Variants in EYA1 observed in about 807,000 individuals in gnomAD.
The protein encoded by EYA1 is protein phosphatase EYA1.
Under a neutral mutation model 82.0 loss-of-function variants are expected in EYA1, and 16 were observed. That is an observed-to-expected ratio of 0.20 (90% confidence interval 0.13 to 0.30). The LOEUF is 0.30. Among genes scored for constraint, EYA1 ranks in the 10% least tolerant of loss-of-function variants. The pLI, the probability that EYA1 is intolerant of heterozygous loss-of-function variation, is 1.00. For missense variants in EYA1, 633 were observed against 730.7 expected, an observed-to-expected ratio of 0.87 and a Z score of 1.54; for synonymous variants, 261 against 264.4, an observed-to-expected ratio of 0.99 and a Z score of 0.12.
At chr8:71,311,805 ACAAT>A (rs1319688089) in intron 7 of EYA1, among the ~76,000 whole-genome samples, 1 of 152,230 alleles carries the variant, frequency 6.6e-6, no homozygotes, top group African/African-American at 2.4e-5. Context: ...AAAGGTGAAA[ACAAT>A]CAGATTTCCC....
intron 4 of EYA1, among the ~76,000 whole-genome samples, chr8:71,331,245 TACACACACACACACAC>T (rs147776263): frequency 6.3e-4 from 86 of 136,530 alleles, no homozygotes; most frequent in Non-Finnish European, 9.4e-4. Flanking sequence ...AATAAATAAA[TACACACACACACACAC>T]ACACACACAC....
chr8:71,266,593 GT>G (rs1264776502), intron 11 of EYA1, among the ~76,000 whole-genome samples: 1 of 152,186 alleles, frequency 6.6e-6, no homozygotes, highest in Non-Finnish European at 1.5e-5. Context: ...GACCGCAAGT[GT>G]TCAGTACAAG....
chr8:71,274,937 A>C lies in EYA1; in HGVS notation c.827-3040T>G, dbSNP rs77323916. Among the ~76,000 whole-genome samples, 54 of 67,512 alleles carry C rather than the reference A, an allele frequency of 8.0e-4. No homozygotes were observed. The East Asian group carries it at 0.026, about 32-fold the overall frequency. The allele number at this position is 67,512 out of a possible 152,430, so 44.3% of individuals were successfully genotyped here. ...GAGAGAGAGAGAATGAGAGCGAGTGAACGAGAGCAAGCGAGTGAACAAGCG... is the reference window on the plus strand; with the variant it reads ...GAGAGAGAGAGAATGAGAGCGAGTGCACGAGAGCAAGCGAGTGAACAAGCG... On this transcript the variant is annotated intron_variant, in intron 9 of 17. Transcript: ENST00000340726.
At chr8:71,236,248 C>T (rs112424761) in intron 12 of EYA1, among the ~76,000 whole-genome samples, 2,762 of 152,128 alleles carry the variant, frequency 0.018, 79 homozygotes, top group African/African-American at 0.064. Flanking sequence ...GTTGGTCAGA[C>T]GGGTTTCAAA....
chr8:71,396,923 A>G (rs1416183536), intron 2 of EYA1, among the ~76,000 whole-genome samples: 1 of 152,176 alleles, frequency 6.6e-6, no homozygotes, highest in African/African-American at 2.4e-5. Context: ...GTGGGAGTCT[A>G]AATCTCTTTA....
intron 2 of EYA1, among the ~76,000 whole-genome samples, chr8:71,393,429 A>C (rs1168202398): frequency 2.0e-5 from 3 of 152,054 alleles, no homozygotes; most frequent in Admixed American, 2.0e-4. Flanking sequence ...ATATCTCCTA[A>C]TGCTATCCCT....
intron 11 of EYA1, among the ~76,000 whole-genome samples, chr8:71,266,927 C>G (rs1214433650): frequency 6.6e-6 from 1 of 152,160 alleles, no homozygotes; most frequent in Non-Finnish European, 1.5e-5. Flanking sequence ...TACTACCCAC[C>G]ACTCCAATCA....
chr8:71,362,302 G>A, upstream of EYA1: 2 of 611,096 alleles, frequency 3.3e-6, no homozygotes, highest in Non-Finnish European at 4.1e-6. Context: ...AAAAAATTAT[G>A]TAAATGAACG....
chr8:71,454,663 A>G (rs1418575164), intron 2 of EYA1, among the ~76,000 whole-genome samples: 1 of 152,242 alleles, frequency 6.6e-6, no homozygotes, highest in Non-Finnish European at 1.5e-5. Context: ...CTGCTCCTGA[A>G]TGACTACTGG....
At chr8:71,546,837 C>G (rs1265909713) in intron 1 of EYA1, among the ~76,000 whole-genome samples, 1 of 152,174 alleles carries the variant, frequency 6.6e-6, no homozygotes, top group Non-Finnish European at 1.5e-5. Flanking sequence ...ATTCACGCTT[C>G]ATGACACATT....
At chr8:71,535,741 T>C (rs1275552137) in intron 2 of EYA1, 4 of 1,519,416 alleles carry the variant, frequency 2.6e-6, no homozygotes, top group Non-Finnish European at 3.5e-6. Flanking sequence ...TCTGTTTACT[T>C]ACAGACTGTC....
intron 3 of EYA1, among the ~76,000 whole-genome samples, chr8:71,346,375 C>T (rs1563507117): frequency 1.4e-5 from 2 of 148,070 alleles, no homozygotes; most frequent in Non-Finnish European, 3.0e-5. Context: ...AGATATACTA[C>T]ATGTATACAC....
chr8:71,489,714 C>T (rs1422179268), intron 2 of EYA1, among the ~76,000 whole-genome samples: 1 of 152,228 alleles, frequency 6.6e-6, no homozygotes, highest in African/African-American at 2.4e-5. Flanking sequence ...CATGAAAGAA[C>T]TCTTGCTCTA....
chr8:71,398,114 T>C (rs1829738024), intron 2 of EYA1, among the ~76,000 whole-genome samples: 2 of 152,196 alleles, frequency 1.3e-5, no homozygotes, highest in South Asian at 4.1e-4. Flanking sequence ...GTCACGTAGT[T>C]CTTGTGCCAT....
chr8:71,394,835 A>G (rs1829493055), intron 2 of EYA1, among the ~76,000 whole-genome samples: 1 of 152,168 alleles, frequency 6.6e-6, no homozygotes, highest in Non-Finnish European at 1.5e-5. Context: ...GAAGAAAGTC[A>G]TTGGTAGCTT....
rs2129028507 is a variant in EYA1 at position 71,319,495 on chromosome 8, C to T, written c.419-1806G>A. Among the ~76,000 whole-genome samples, 2 of 152,078 alleles carry T rather than the reference C, an allele frequency of 1.3e-5. 1 individual carries two copies. The highest frequency in any genetic ancestry group is 3.9e-4 in the East Asian group (2 of 5,146). ...CAGATGGGGATCTTTGTGATAAGAACATGTAAGGAAAGGCAGAAAGAGGTA... is the reference window on the plus strand; with the variant it reads ...CAGATGGGGATCTTTGTGATAAGAATATGTAAGGAAAGGCAGAAAGAGGTA... On this transcript the variant is annotated intron_variant, in intron 6 of 17. Transcript: ENST00000340726.
chr8:71,475,172 G>A (rs1184637970), intron 2 of EYA1, among the ~76,000 whole-genome samples: 1 of 152,188 alleles, frequency 6.6e-6, no homozygotes, highest in African/African-American at 2.4e-5. Flanking sequence ...AGATATTCAT[G>A]TGTTAACATG....
At chr8:71,458,826 C>T (rs865849510) in intron 2 of EYA1, among the ~76,000 whole-genome samples, 3 of 151,936 alleles carry the variant, frequency 2.0e-5, no homozygotes, top group Non-Finnish European at 2.9e-5. Flanking sequence ...AAGATGTTAA[C>T]GAGGCAATTG....
chr8:71,263,876 A>G (rs1346460280), intron 11 of EYA1, among the ~76,000 whole-genome samples: 1 of 152,238 alleles, frequency 6.6e-6, no homozygotes, highest in African/African-American at 2.4e-5. Flanking sequence ...CTCGGTCTAG[A>G]GTTTTTAAAA....
Sources: allele counts gnomAD v4.1 joint callset (sites outside exome capture counted in the v4.1 genomes callset), GRCh38; gene constraint gnomAD v4.1.1; transcripts MANE v1.5; gene names NCBI Gene and HGNC (gene_info 2026-07-23, HGNC 2026-07-21).